Variants in GRHL2 observed in about 807,000 individuals in gnomAD.
GRHL2 encodes grainyhead like transcription factor 2.
A neutral mutation model predicts 83.8 loss-of-function variants in GRHL2; 21 were observed. That is an observed-to-expected ratio of 0.25 (90% CI 0.18 to 0.36). The LOEUF (loss-of-function observed/expected upper bound fraction) is 0.36, where lower values mean the gene tolerates loss of function less well. Ranked by LOEUF, GRHL2 falls within the 10% of genes least tolerant of loss-of-function variation. The pLI, the probability that GRHL2 is intolerant of heterozygous loss-of-function variation, is 1.00. For missense variants in GRHL2, 623 were observed against 781.8 expected (o/e 0.80, Z 2.42); for synonymous variants, 280 against 278.9 (o/e 1.00, Z -0.04).
the GRHL2 span, among the ~76,000 whole-genome samples, chr8:101,678,020 A>G: frequency 6.6e-6 from 1 of 152,176 alleles, no homozygotes; most frequent in South Asian, 2.1e-4. Flanking sequence ...CCACCTCAAA[A>G]ACCAGAAAAT....
rs908146144 is a variant in GRHL2 at position 101,666,877 on chromosome 8, C to T, written c.*174C>T. ...GGCCCCACTGTCGGTGTGCTTGGCC[C>T]ATCCACTGGCACCTACCACGGAGCT... is the stretch of plus-strand genomic sequence containing the variant. On this transcript the variant is annotated 3_prime_UTR_variant, in exon 16 of 16. Transcript: ENST00000646743. The T allele has an allele frequency of 9.0e-6, 6 of 665,732 alleles. No individual in the cohort carries two copies. The highest frequency in any genetic ancestry group is 1.6e-5 in the Non-Finnish European group (6 of 364,918). 41.2% of individuals were successfully genotyped at this position (665,732 alleles called of 1,614,324 possible). A position where few individuals can be genotyped will look rare whatever the true frequency, so the allele number is the denominator to read the frequency against.
At chr8:101,637,027 C>G in intron 12 of GRHL2, 99 bp downstream of exon 12, 1 of 1,009,038 alleles carries the variant, frequency 9.9e-7, no homozygotes, top group Non-Finnish European at 1.6e-6. Context: ...GAAGTGAAAC[C>G]CTCCTCTCAC....
At chr8:101,540,110 T>C (rs1454678546) in intron 1 of GRHL2, among the ~76,000 whole-genome samples, 1 of 152,216 alleles carries the variant, frequency 6.6e-6, no homozygotes, top group Non-Finnish European at 1.5e-5. Context: ...TACTCAACTT[T>C]ACCAAAAATT....
intron 11 of GRHL2, chr8:101,636,642 G>A: frequency 5.6e-6 from 3 of 533,192 alleles, no homozygotes; most frequent in Non-Finnish European, 6.7e-6. Context: ...GAAATAATCA[G>A]ATTTCCAATT....
At chr8:101,624,031 T>TCACAGTA (rs547528060) in intron 9 of GRHL2, among the ~76,000 whole-genome samples, 4 of 132,814 alleles carry the variant, frequency 3.0e-5, no homozygotes, top group East Asian at 2.3e-4. Flanking sequence ...GTAGGACAGT[T>TCACAGTA]CACAGTACAC....
chr8:101,649,117 A>G (rs748239019), intron 13 of GRHL2, among the ~76,000 whole-genome samples: 1 of 152,212 alleles, frequency 6.6e-6, no homozygotes, highest in Non-Finnish European at 1.5e-5. Context: ...GAGGTTGCAA[A>G]AAGAGATGCG....
At chr8:101,544,504 C>G (rs1776042268) in intron 2 of GRHL2, among the ~76,000 whole-genome samples, 1 of 152,078 alleles carries the variant, frequency 6.6e-6, no homozygotes, top group Non-Finnish European at 1.5e-5. Flanking sequence ...AAGAACTATG[C>G]CTGGTATGAC....
chr8:101,672,432 T>G (rs1270291649), downstream of GRHL2, among the ~76,000 whole-genome samples: 2 of 151,516 alleles, frequency 1.3e-5, no homozygotes, highest in East Asian at 3.8e-4. Context: ...GCCAATGCAA[T>G]CAACTGGAAG....
At chr8:101,678,235 G>A in the GRHL2 span, among the ~76,000 whole-genome samples, 1 of 152,194 alleles carries the variant, frequency 6.6e-6, no homozygotes. Context: ...CGCACCGTGT[G>A]CGAGCCAAAG....
intron 14 of GRHL2, among the ~76,000 whole-genome samples, chr8:101,663,992 G>A (rs528855735): frequency 6.6e-6 from 1 of 151,562 alleles, no homozygotes; most frequent in Non-Finnish European, 1.5e-5. Context: ...GTCTTGCTTA[G>A]AAAGATCTTC....
Position 101,552,732 on chromosome 8 carries a change from G to A in GRHL2, c.234G>A (p.Arg78=), listed in dbSNP as rs1563576800. 2 of 1,614,142 alleles carry A rather than the reference G, an allele frequency of 1.2e-6. No homozygotes were observed. Among genetic ancestry groups the A allele is most frequent in the Non-Finnish European group, 1.7e-6 (2 of 1,179,998 alleles). The change falls in exon 3 of 16, where the codon AGG becomes AGA. Residue 78 remains arginine, a synonymous_variant. Coordinates refer to ENST00000646743, the MANE Select transcript of GRHL2 (RefSeq NM_024915.4). ...YDYYKVPRDK[R]LLSVSKASDS... is the part of the protein sequence containing the mutation. ...GTTTCCAGGTTCCTCGAGACAAGAG[G>A]CTGCTGTCTGTAAGCAAAGCAAGTG... is the stretch of plus-strand genomic sequence containing the variant.
intron 1 of GRHL2, among the ~76,000 whole-genome samples, chr8:101,493,220 C>T (rs1183900002): frequency 1.3e-5 from 2 of 152,216 alleles, no homozygotes; most frequent in Non-Finnish European, 2.9e-5. Context: ...AAAGGGCCTA[C>T]TGGAAAAGTG....
intron 9 of GRHL2, 114 bp from the exon 10 acceptor site, chr8:101,631,522 CT>C: frequency 2.3e-6 from 2 of 856,610 alleles, no homozygotes; most frequent in South Asian, 1.4e-5. Flanking sequence ...AATGGGGCTG[CT>C]TGGTTACCTC....
chr8:101,571,970 G>A (rs1056209067), intron 5 of GRHL2, among the ~76,000 whole-genome samples: 4 of 152,174 alleles, frequency 2.6e-5, no homozygotes, highest in Admixed American at 2.6e-4. Flanking sequence ...CTGCTGCCAT[G>A]GTCCAGCAGA....
the GRHL2 span, among the ~76,000 whole-genome samples, chr8:101,679,443 T>A: frequency 6.7e-6 from 1 of 149,750 alleles, no homozygotes; most frequent in Non-Finnish European, 1.5e-5. Context: ...CCAAATCTAC[T>A]TCTGATTGGT....
chr8:101,582,237 C>CA (rs4002335), intron 7 of GRHL2, among the ~76,000 whole-genome samples: 37,122 of 134,686 alleles, frequency 0.28, 5,392 homozygotes, highest in South Asian at 0.35. Flanking sequence ...GACTCCGTCT[C>CA]AAAAAAAAAA....
intron 9 of GRHL2, among the ~76,000 whole-genome samples, chr8:101,620,611 C>T (rs1586150063): frequency 6.6e-6 from 1 of 152,270 alleles, no homozygotes; most frequent in African/African-American, 2.4e-5. Context: ...ACAGAAGATC[C>T]TCACAAATCC....
intron 8 of GRHL2, among the ~76,000 whole-genome samples, chr8:101,599,889 G>A (rs1315813259): frequency 6.6e-6 from 1 of 152,184 alleles, no homozygotes; most frequent in African/African-American, 2.4e-5. Context: ...TCCTTTCTGT[G>A]TTCCTTAGCT....
intron 8 of GRHL2, among the ~76,000 whole-genome samples, chr8:101,606,819 G>C (rs1379167186): frequency 6.6e-6 from 1 of 152,196 alleles, no homozygotes; most frequent in Non-Finnish European, 1.5e-5. Context: ...CTAGCTTTCT[G>C]CTCCAGCAGC....
Sources: gnomAD v4.1 joint callset for allele counts (sites outside exome capture counted in the v4.1 genomes callset) on GRCh38, gnomAD v4.1.1 for gene constraint, MANE v1.5 for transcripts, NCBI Gene and HGNC (gene_info 2026-07-23, HGNC 2026-07-21) for gene names.